Variants in HOXB3 observed in about 807,000 individuals in gnomAD.
HOXB3 encodes homeobox B3.
A neutral mutation model predicts 29.2 loss-of-function variants in HOXB3; 17 were observed. The ratio of observed to expected loss-of-function variants is 0.58; its 90% CI spans 0.40 to 0.87. The LOEUF is 0.87. Among genes scored for constraint, HOXB3 ranks in the 40% least tolerant of loss-of-function variants. The probability of loss-of-function intolerance (pLI) is 0.00; values close to 1 mark genes in which losing one functional copy is unlikely to be tolerated. For missense variants in HOXB3, 637 were observed against 616.3 expected (o/e 1.03, Z -0.35); for synonymous variants, 317 against 285.9 (o/e 1.11, Z -1.10).
chr17:48,576,779 C>A (rs200388738), intron 1 of HOXB3: 3 of 1,614,080 alleles, frequency 1.9e-6, no homozygotes, highest in Admixed American at 1.7e-5. Context: ...CTGAGCCTGC[C>A]GCACCACCCG....
chr17:48,565,906 T>C (rs991107677), intron 2 of HOXB3, among the ~76,000 whole-genome samples: 4 of 152,198 alleles, frequency 2.6e-5, no homozygotes, highest in African/African-American at 9.7e-5. Flanking sequence ...CAGAAAGGGA[T>C]CCTGCTGCTT....
At chr17:48,578,147 G>T in intron 1 of HOXB3, 1 of 1,578,380 alleles carries the variant, frequency 6.3e-7, no homozygotes, top group Non-Finnish European at 8.6e-7. Flanking sequence ...GGTGCACGCC[G>T]CGCGCCGCCC....
chr17:48,578,057 C>T, intron 1 of HOXB3: 8 of 839,282 alleles, frequency 9.5e-6, no homozygotes, highest in Non-Finnish European at 1.0e-5. Flanking sequence ...AGGGGACAGA[C>T]CGGGCGGTGG....
At chr17:48,569,039 C>T (rs2069489061) in intron 2 of HOXB3, among the ~76,000 whole-genome samples, 1 of 148,202 alleles carries the variant, frequency 6.7e-6, no homozygotes, top group African/African-American at 2.5e-5. Context: ...TTCTTTCTCT[C>T]TCTCTCTCTC....
chr17:48,584,500 G>A (rs910349326), intron 1 of HOXB3, among the ~76,000 whole-genome samples: 2 of 152,192 alleles, frequency 1.3e-5, no homozygotes, highest in Non-Finnish European at 2.9e-5. Flanking sequence ...CCCCTTTAGG[G>A]CAAGCAGAGT....
intron 3 of HOXB3, 194 bp downstream of exon 3, chr17:48,555,337 A>AGAGAGAGAGG: frequency 5.7e-6 from 2 of 348,882 alleles, no homozygotes; most frequent in Non-Finnish European, 1.0e-5. Context: ...AGAGAGAGGG[A>AGAGAGAGAGG]GAGAGAGAGA....
At chr17:48,585,432 G>A (rs1284827965) in intron 1 of HOXB3, among the ~76,000 whole-genome samples, 1 of 152,226 alleles carries the variant, frequency 6.6e-6, no homozygotes, top group Non-Finnish European at 1.5e-5. Flanking sequence ...AGGGCTAGAG[G>A]GAGAGTTCAG....
intron 4 of HOXB3, among the ~76,000 whole-genome samples, chr17:48,551,611 C>T (rs2068746513): frequency 1.3e-5 from 2 of 152,338 alleles, no homozygotes; most frequent in African/African-American, 2.4e-5. Flanking sequence ...TCTGGACACT[C>T]GTGGGCAGGA....
intron 3 of HOXB3, chr17:48,553,826 T>G (rs1260346959): frequency 6.6e-6 from 1 of 152,190 alleles, no homozygotes; most frequent in African/African-American, 2.4e-5. Flanking sequence ...TTTCCCTCCA[T>G]CTCTCCCAAC....
rs747283545 is a variant in HOXB3, at chr17:48,550,756, G to T, written c.874C>A (p.Pro292Thr). 1.1e-5 allele frequency: 18 copies of T among 1,596,264 alleles called. No individual in the cohort carries two copies. The highest frequency in any genetic ancestry group is 1.5e-5 in the Non-Finnish European group (17 of 1,168,678). ...MTPSYESPSP[P>T]AFGKAHQNAY... ...TTCTGGTGGGCTTTACCGAAGGCGGGTGGGGACGGGCTCTCGTAGCTGGGG... is the reference window on the plus strand; with the variant it reads ...TTCTGGTGGGCTTTACCGAAGGCGGTTGGGGACGGGCTCTCGTAGCTGGGG... The change falls in exon 5 of 5, where the codon CCC becomes ACC. Residue 292 changes from proline to threonine, a missense_variant. By Grantham distance (38) the Pro-to-Thr change is conservative (BLOSUM62 -1). Transcript: ENST00000498678.
chr17:48,569,431 C>T (rs2069508646), intron 2 of HOXB3, among the ~76,000 whole-genome samples: 1 of 151,840 alleles, frequency 6.6e-6, no homozygotes, highest in African/African-American at 2.4e-5. Context: ...CCCACCTCTC[C>T]TCTCTCCCTT....
intron 1 of HOXB3, chr17:48,577,878 C>G: frequency 1.4e-6 from 2 of 1,396,956 alleles, no homozygotes; most frequent in Non-Finnish European, 1.9e-6. Flanking sequence ...CTCACGTGAA[C>G]TTTGCGCATC....
At chr17:48,568,781 A>T (rs2069478250) in intron 2 of HOXB3, among the ~76,000 whole-genome samples, 1 of 152,106 alleles carries the variant, frequency 6.6e-6, no homozygotes, top group Non-Finnish European at 1.5e-5. Context: ...AGAGAGAGAA[A>T]AGAAGAATAT....
chr17:48,551,287 C>T (rs924992162), intron 4 of HOXB3, 106 bp from the exon 5 acceptor site: 1 of 1,194,562 alleles, frequency 8.4e-7, no homozygotes, highest in Non-Finnish European at 1.0e-6. Context: ...CAGGCCTGGA[C>T]TCAGAGCCCC....
chr17:48,569,743 T>C (rs2069519853), intron 2 of HOXB3, among the ~76,000 whole-genome samples: 1 of 152,152 alleles, frequency 6.6e-6, no homozygotes. Context: ...GGATAAATAA[T>C]GGGGCTTCTG....
intron 4 of HOXB3, 86 bp from the exon 5 acceptor site, chr17:48,551,267 TTAA>T: frequency 8.2e-7 from 1 of 1,224,974 alleles, no homozygotes; most frequent in Non-Finnish European, 1.0e-6. Flanking sequence ...GCATCGTTTC[TTAA>T]TAAATCCAGG....
chr17:48,563,526 C>T (rs1225422625), intron 2 of HOXB3, among the ~76,000 whole-genome samples: 1 of 152,212 alleles, frequency 6.6e-6, no homozygotes, highest in Non-Finnish European at 1.5e-5. Context: ...ACACCCACCA[C>T]ACTGTGCGCC....
At chr17:48,565,989 C>T (rs1374290327) in intron 2 of HOXB3, among the ~76,000 whole-genome samples, 1 of 152,152 alleles carries the variant, frequency 6.6e-6, no homozygotes, top group African/African-American at 2.4e-5. Flanking sequence ...GTCACTAAAG[C>T]GTTAGCAGCC....
chr17:48,577,051 A>G (rs2069788210), intron 1 of HOXB3: 1 of 1,533,466 alleles, frequency 6.5e-7, no homozygotes, highest in Admixed American at 2.0e-5. Flanking sequence ...GGAGAAAGAG[A>G]AAGTTTTATT....
Sources: gnomAD v4.1 joint callset for allele counts (sites outside exome capture counted in the v4.1 genomes callset) on GRCh38, gnomAD v4.1.1 for gene constraint, MANE v1.5 for transcripts, NCBI Gene and HGNC (gene_info 2026-07-23, HGNC 2026-07-21) for gene names.